TRMT44: variants seen among roughly 807,000 people sequenced by gnomAD.
TRMT44 encodes probable tRNA (uracil-O(2)-)-methyltransferase.
TRMT44 carries 78 observed loss-of-function variants against 77.3 expected under a neutral mutation model. The ratio of observed to expected loss-of-function variants is 1.01; its 90% CI spans 0.84 to 1.22. The LOEUF is 1.22. Among genes scored for constraint, TRMT44 ranks in the 50% most tolerant of loss-of-function variants. The pLI is 0.00. For missense variants in TRMT44, 1,090 were observed against 964.4 expected (o/e 1.13, Z -1.73); for synonymous variants, 391 against 383.3 (o/e 1.02, Z -0.23).
intron 9 of TRMT44, among the ~76,000 whole-genome samples, chr4:8,470,574 CA>C (rs894686605): frequency 8.5e-5 from 13 of 152,288 alleles, no homozygotes; most frequent in African/African-American, 3.1e-4. Context: ...GGAAAGAGAC[CA>C]TCACTGTGGT....
rs1725550840 is a variant in TRMT44 at position 8,452,941 on chromosome 4, C to T, written c.1083C>T (p.Asp361=). ...TAACTGCCAGGCAGTCCTTTGTGGA[C>T]CTGGGATGTGGAAATGGCCTCCTGG... ...RRLTARQSFV[D]LGCGNGLLVH... Residue 361 remains aspartate (D), a synonymous_variant, in exon 5 of 11, where the codon GAC becomes GAT. Transcript: ENST00000389737. This position sits in a 1 kb window ranked among gnomAD's most constrained non-coding sequence, Gnocchi z 5.7. 2.6e-6 allele frequency: 4 copies of T among 1,532,996 alleles called. No homozygotes were observed. Among genetic ancestry groups the T allele is most frequent in the African/African-American group, 1.4e-5 (1 of 72,738 alleles). The allele number at this position is 1,532,996 out of a possible 1,614,324, so 95.0% of individuals were successfully genotyped here. A position where few individuals can be genotyped will look rare whatever the true frequency, so the allele number is the denominator to read the frequency against.
chr4:8,466,019 G>C (rs1050212024), intron 8 of TRMT44, among the ~76,000 whole-genome samples: 2 of 152,266 alleles, frequency 1.3e-5, no homozygotes, highest in African/African-American at 2.4e-5. Flanking sequence ...TTGGGCAGAA[G>C]TTGGCCCGGG....
At chr4:8,471,834 G>A (rs932323583) in intron 10 of TRMT44, among the ~76,000 whole-genome samples, 5 of 152,200 alleles carry the variant, frequency 3.3e-5, no homozygotes, top group East Asian at 1.9e-4. Flanking sequence ...TTCTGGAGCC[G>A]GTGGTGCAGT....
intron 9 of TRMT44, among the ~76,000 whole-genome samples, chr4:8,470,582 T>TG (rs948797082): frequency 1.3e-5 from 2 of 152,232 alleles, no homozygotes; most frequent in African/African-American, 4.8e-5. Context: ...ACCATCACTG[T>TG]GGTGTCTGTG....
chr4:8,463,243 C>T (rs550797754), intron 6 of TRMT44, among the ~76,000 whole-genome samples: 118 of 152,310 alleles, frequency 7.7e-4, no homozygotes, highest in Non-Finnish European at 1.4e-3. Flanking sequence ...TTCCCCCTCT[C>T]TCTTTCCAGT....
chr4:8,470,040 G>A (rs898849787), intron 9 of TRMT44, among the ~76,000 whole-genome samples: 2 of 152,258 alleles, frequency 1.3e-5, no homozygotes, highest in Admixed American at 6.5e-5. Flanking sequence ...CCAAGAGGCC[G>A]GATATGCCAG....
rs138949000 is a variant in TRMT44 at position 8,471,134 on chromosome 4, C to A, written c.1978C>A (p.Arg660=). 6.2e-7 allele frequency: 1 copy of A among 1,608,428 alleles called. No homozygotes were observed. The highest frequency in any genetic ancestry group is 8.5e-7 in the Non-Finnish European group (1 of 1,177,048). The change falls in exon 10 of 11, where the codon CGG becomes AGG. Residue 660 remains arginine (R), a synonymous_variant. Transcript: ENST00000389737. ...CAACGAGCTGGACACGGAGACCCTGCGGAGGCTGAAGCGGGAGTGTGGGGG... is the reference window on the plus strand; with the variant it reads ...CAACGAGCTGGACACGGAGACCCTGAGGAGGCTGAAGCGGGAGTGTGGGGG... The part of the protein sequence containing the change: ...VANELDTETL[R]RLKRECGGLQ...
At chr4:8,467,692 G>C (rs1488046275) in intron 8 of TRMT44, among the ~76,000 whole-genome samples, 1 of 152,320 alleles carries the variant, frequency 6.6e-6, no homozygotes, top group East Asian at 1.9e-4. Flanking sequence ...TGTTGGCCAG[G>C]CTGGTCTGAA....
chr4:8,466,380 C>G (rs1726546000), intron 8 of TRMT44, among the ~76,000 whole-genome samples: 1 of 152,214 alleles, frequency 6.6e-6, no homozygotes, highest in Non-Finnish European at 1.5e-5. Flanking sequence ...AGGAGGCTGC[C>G]CGGGTCTCTG....
chr4:8,515,170 C>T, the TRMT44 span, among the ~76,000 whole-genome samples: 6 of 152,098 alleles, frequency 3.9e-5, no homozygotes, highest in African/African-American at 1.4e-4. Flanking sequence ...TTTCACCATG[C>T]TGCCCAGGCT....
At chr4:8,486,018 A>G (rs1486428934) in intron 2 of TRMT44, among the ~76,000 whole-genome samples, 1 of 152,170 alleles carries the variant, frequency 6.6e-6, no homozygotes, top group Non-Finnish European at 1.5e-5. Context: ...GGGGGCTTCC[A>G]AGGTGATCGG....
the TRMT44 span, among the ~76,000 whole-genome samples, chr4:8,504,347 A>T: frequency 6.6e-6 from 1 of 151,978 alleles, no homozygotes; most frequent in African/African-American, 2.4e-5. This position sits in a 1 kb window ranked among gnomAD's most constrained non-coding sequence, Gnocchi z 5.3. Flanking sequence ...CTTCCCCGCC[A>T]GGTACCCGCG....
At chr4:8,449,064 G>A (rs1292056722) in intron 2 of TRMT44, among the ~76,000 whole-genome samples, 2 of 152,248 alleles carry the variant, frequency 1.3e-5, no homozygotes, top group African/African-American at 4.8e-5. Context: ...CCCAAGGATT[G>A]TGAGCTTTTC....
chr4:8,490,677 C>T (rs954838581), intron 2 of TRMT44, among the ~76,000 whole-genome samples: 1 of 152,228 alleles, frequency 6.6e-6, no homozygotes, highest in African/African-American at 2.4e-5. Context: ...CAGCGTGGAC[C>T]CAAAGAGTGA....
the TRMT44 span, among the ~76,000 whole-genome samples, chr4:8,515,312 G>C: frequency 1.3e-5 from 2 of 152,188 alleles, no homozygotes; most frequent in Non-Finnish European, 2.9e-5. Flanking sequence ...CCTGTTCTAG[G>C]CTCAGAGGAA....
chr4:8,487,108 A>T (rs1046319921), intron 2 of TRMT44, among the ~76,000 whole-genome samples: 1 of 152,210 alleles, frequency 6.6e-6, no homozygotes, highest in African/African-American at 2.4e-5. Context: ...TTGCTATTTT[A>T]TGACAAGAAT....
At chr4:8,497,679 G>A (rs993100187), downstream of TRMT44, among the ~76,000 whole-genome samples, 4 of 152,196 alleles carry the variant, frequency 2.6e-5, no homozygotes, top group African/African-American at 4.8e-5. Context: ...ACCCTGCTCT[G>A]TCTTTGTTCA....
At chr4:8,469,875 G>A (rs1341285353) in intron 9 of TRMT44, among the ~76,000 whole-genome samples, 1 of 152,268 alleles carries the variant, frequency 6.6e-6, no homozygotes, top group Non-Finnish European at 1.5e-5. Flanking sequence ...TGTGGGCCAT[G>A]TGTGGCTCTG....
intron 8 of TRMT44, among the ~76,000 whole-genome samples, chr4:8,467,090 G>C (rs922760444): frequency 6.6e-6 from 1 of 152,212 alleles, no homozygotes; most frequent in Non-Finnish European, 1.5e-5. Flanking sequence ...ACCCTCCATC[G>C]GGGTGTGCGG....
Sources: allele counts gnomAD v4.1 joint callset (sites outside exome capture counted in the v4.1 genomes callset), GRCh38; gene constraint gnomAD v4.1.1; non-coding constraint Gnocchi (gnomAD v3.1); transcripts MANE v1.5; gene names NCBI Gene and HGNC (gene_info 2026-07-23, HGNC 2026-07-21).